COL5A2: variants seen among roughly 807,000 people sequenced by gnomAD.
COL5A2 encodes the protein collagen alpha-2(V) chain.
In COL5A2, 23 loss-of-function variants were observed where a neutral mutation model predicts 208.2. The ratio of observed to expected loss-of-function variants is 0.11; its 90% CI spans 0.08 to 0.16. The LOEUF (loss-of-function observed/expected upper bound fraction) is 0.16. COL5A2 is among the 10% of genes least tolerant of loss of function. The pLI, the probability that COL5A2 is intolerant of heterozygous loss-of-function variation, is 1.00. For synonymous variants in COL5A2, 625 were observed against 628.5 expected, an observed-to-expected ratio of 0.99 and a Z score of 0.08; for missense variants, 1,590 against 1,956.4, an observed-to-expected ratio of 0.81 and a Z score of 3.53.
the COL5A2 span, among the ~76,000 whole-genome samples, chr2:189,331,154 C>A: frequency 2.6e-5 from 4 of 151,906 alleles, no homozygotes; most frequent in East Asian, 7.7e-4. Context: ...ACAACATTTA[C>A]AAAATTAGAT....
chr2:189,123,896 C>T (rs1464270958), intron 1 of COL5A2, among the ~76,000 whole-genome samples: 1 of 151,998 alleles, frequency 6.6e-6, no homozygotes, highest in African/African-American at 2.4e-5. Flanking sequence ...ACGCCCATAA[C>T]TATTATACAT....
the COL5A2 span, among the ~76,000 whole-genome samples, chr2:189,280,231 G>A: frequency 6.6e-6 from 1 of 152,080 alleles, no homozygotes; most frequent in East Asian, 1.9e-4. Flanking sequence ...AAGACAGAAA[G>A]TTTAAATTAG....
At chr2:189,125,501 A>C (rs1687590686) in intron 1 of COL5A2, among the ~76,000 whole-genome samples, 1 of 152,074 alleles carries the variant, frequency 6.6e-6, no homozygotes, top group Non-Finnish European at 1.5e-5. Flanking sequence ...CCACCCCTAG[A>C]CAAACCCCTT....
intron 1 of COL5A2, among the ~76,000 whole-genome samples, chr2:189,168,024 G>A (rs1448042106): frequency 1.3e-5 from 2 of 148,742 alleles, no homozygotes; most frequent in East Asian, 4.0e-4. Context: ...CGCAAGCTCC[G>A]CCTCCCAGGT....
intron 29 of COL5A2, among the ~76,000 whole-genome samples, chr2:189,062,093 G>A (rs775146161): frequency 1.6e-4 from 24 of 151,332 alleles, no homozygotes; most frequent in Non-Finnish European, 2.7e-4. Flanking sequence ...AAAATATTTC[G>A]GATAAACACT....
chr2:189,153,373 G>A (rs1356168), intron 1 of COL5A2, among the ~76,000 whole-genome samples: 91,301 of 151,962 alleles, frequency 0.6, 28,646 homozygotes, highest in East Asian at 0.78. Flanking sequence ...TGAAGAAACT[G>A]AACATTCTAG....
the COL5A2 span, among the ~76,000 whole-genome samples, chr2:189,317,624 A>G: frequency 1.3e-5 from 2 of 152,186 alleles, no homozygotes; most frequent in Non-Finnish European, 2.9e-5. Context: ...AAACCACTCA[A>G]TATGACAGTT....
At chr2:189,210,935 A>C (rs758122161) in intron 1 of COL5A2, among the ~76,000 whole-genome samples, 5 of 152,186 alleles carry the variant, frequency 3.3e-5, no homozygotes, top group Non-Finnish European at 7.4e-5. Flanking sequence ...AATGACTGCT[A>C]ACTGATTTCC....
At chr2:189,225,159 C>T (rs1360351643) in exon 1 of COL5A2, among the ~76,000 whole-genome samples, 3 of 152,074 alleles carry the variant, frequency 2.0e-5, no homozygotes, top group South Asian at 4.1e-4. Context: ...ACCAGTGGCT[C>T]GATGTTGACT....
the COL5A2 span, among the ~76,000 whole-genome samples, chr2:189,272,104 G>A: frequency 9.2e-5 from 14 of 152,104 alleles, no homozygotes; most frequent in South Asian, 2.1e-4. Context: ...ACAGTGTGGC[G>A]ATTCCTCAAG....
At chr2:189,286,866 T>C in the COL5A2 span, among the ~76,000 whole-genome samples, 2 of 152,182 alleles carry the variant, frequency 1.3e-5, no homozygotes, top group African/African-American at 4.8e-5. Context: ...AATTTTAGAT[T>C]CATAAGTTCC....
At chr2:189,051,218 C>G in intron 42 of COL5A2, 102 bp downstream of exon 42, 1 of 1,464,580 alleles carries the variant, frequency 6.8e-7, no homozygotes, top group Non-Finnish European at 9.5e-7. Flanking sequence ...TAGGAATGTG[C>G]CCAGCATAAT....
rs201022138 is a variant in COL5A2, at chr2:189,110,314, T to A, written c.233A>T (p.Asp78Val). The change falls in exon 2 of 54, where the codon GAT becomes GTT. Residue 78 changes from aspartate (D) to valine (V), a missense_variant. Asp to Val is a radical substitution (Grantham distance 152, BLOSUM62 -3). Transcript: ENST00000374866. ...TACAGGGTCGGCACAGTCCAGCACATCCTGGCATTCTATCTTGTCACAGAG... is the reference window on the plus strand; with the variant it reads ...TACAGGGTCGGCACAGTCCAGCACAACCTGGCATTCTATCTTGTCACAGAG... ...AILCDKIECQ[D>V]VLDCADPVTP... 30 of 1,614,156 alleles carry A rather than the reference T, an allele frequency of 1.9e-5. No individual in the cohort carries two copies. The East Asian group carries it at 4.9e-4, about 26-fold the overall frequency.
At chr2:189,123,971 A>G (rs1314531635) in intron 1 of COL5A2, among the ~76,000 whole-genome samples, 1 of 152,184 alleles carries the variant, frequency 6.6e-6, no homozygotes, top group Non-Finnish European at 1.5e-5. Flanking sequence ...TACATGTACA[A>G]AAGTCTTAAG....
the COL5A2 span, among the ~76,000 whole-genome samples, chr2:189,320,195 T>TA: frequency 1.3e-5 from 2 of 152,000 alleles, no homozygotes; most frequent in African/African-American, 2.4e-5. Context: ...CAAAGGTAGA[T>TA]AAAAAACACA....
At chr2:189,267,402 G>T in the COL5A2 span, among the ~76,000 whole-genome samples, 1 of 151,968 alleles carries the variant, frequency 6.6e-6, no homozygotes, top group Non-Finnish European at 1.5e-5. Flanking sequence ...CTACATATTT[G>T]CTTATTAAAA....
At chr2:189,287,333 T>C in the COL5A2 span, among the ~76,000 whole-genome samples, 1 of 151,784 alleles carries the variant, frequency 6.6e-6, no homozygotes, top group Non-Finnish European at 1.5e-5. Context: ...GAATAAAAAA[T>C]GTTATTTGCT....
the COL5A2 span, among the ~76,000 whole-genome samples, chr2:189,385,789 T>C: frequency 2.6e-5 from 4 of 152,002 alleles, no homozygotes; most frequent in Non-Finnish European, 4.4e-5. Flanking sequence ...CAGAGACCAA[T>C]GGAACAGAAT....
the COL5A2 span, among the ~76,000 whole-genome samples, chr2:189,352,935 G>C: frequency 6.6e-6 from 1 of 152,192 alleles, no homozygotes; most frequent in Non-Finnish European, 1.5e-5. Context: ...TTACGTTTAA[G>C]TCTTTAATCC....
Sources: allele counts gnomAD v4.1 joint callset (sites outside exome capture counted in the v4.1 genomes callset), GRCh38; gene constraint gnomAD v4.1.1; transcripts MANE v1.5; gene names NCBI Gene and HGNC (gene_info 2026-07-23, HGNC 2026-07-21).